The following B4GALT6 variants were observed in gnomAD, a reference collection of about 807,000 sequenced individuals.
The protein encoded by B4GALT6 is beta-1,4-galactosyltransferase 6, also known as UDP-Gal:beta-GlcNAc beta-1,4-galactosyltransferase 6.
Under a neutral mutation model 46.3 loss-of-function variants are expected in B4GALT6, and 14 were observed. The ratio of observed to expected loss-of-function variants is 0.30; its 90% CI spans 0.20 to 0.47. The LOEUF is 0.47. Ranked by LOEUF, B4GALT6 falls within the 20% of genes least tolerant of loss-of-function variation. The pLI, the probability that B4GALT6 is intolerant of heterozygous loss-of-function variation, is 0.99. For synonymous variants in B4GALT6, 168 were observed against 162.0 expected (o/e 1.04, Z -0.28); for missense variants, 386 against 480.1 (o/e 0.80, Z 1.83).
chr18:31,638,448 A>C (rs2073889043), intron 5 of B4GALT6, among the ~76,000 whole-genome samples, 196 bp downstream of exon 5: 1 of 152,112 alleles, frequency 6.6e-6, no homozygotes, highest in Admixed American at 6.5e-5. Context: ...AATGGCGTGA[A>C]CCTGGGGGGC....
intron 4 of B4GALT6, among the ~76,000 whole-genome samples, chr18:31,644,194 G>A (rs1324107787): frequency 1.3e-5 from 2 of 152,132 alleles, no homozygotes; most frequent in Admixed American, 6.5e-5. Context: ...ACTTGTTCAA[G>A]GCAATAAGAA....
chr18:31,666,277 TTTTA>T lies in B4GALT6; in HGVS notation c.207_210del (p.Asn69LysfsTer54). 6.2e-7 allele frequency: 1 copy of T among 1,602,812 alleles called. No individual in the cohort carries two copies. The highest frequency in any genetic ancestry group is 8.5e-7 in the Non-Finnish European group (1 of 1,173,214). On this transcript the variant is annotated frameshift_variant, in exon 2 of 9. Coordinates refer to ENST00000306851, the MANE Select transcript of B4GALT6 (RefSeq NM_004775.5). LOFTEE classifies it high-confidence loss of function. ...TTACCTGTACCGTTGAGCGTACTGT[TTTTA>T]TTTGTGTACAGCCTGATCATATGAC...
the B4GALT6 span, among the ~76,000 whole-genome samples, chr18:31,713,397 C>G: frequency 6.6e-6 from 1 of 152,196 alleles, no homozygotes; most frequent in Non-Finnish European, 1.5e-5. Context: ...TATTACTGAG[C>G]ACGGACCTTA....
chr18:31,676,609 C>A (rs1352183593), intron 1 of B4GALT6, among the ~76,000 whole-genome samples: 2 of 152,190 alleles, frequency 1.3e-5, no homozygotes, highest in African/African-American at 2.4e-5. Context: ...TTCACCATGA[C>A]AGCCATCTCT....
chr18:31,661,546 TCA>T (rs34896376), intron 2 of B4GALT6, among the ~76,000 whole-genome samples: 7 of 151,076 alleles, frequency 4.6e-5, no homozygotes, highest in African/African-American at 7.3e-5. Context: ...TCGCTCTCTC[TCA>T]CACACACACA....
the B4GALT6 span, among the ~76,000 whole-genome samples, chr18:31,692,488 G>A: frequency 1.3e-5 from 2 of 152,096 alleles, no homozygotes; most frequent in African/African-American, 4.8e-5. Flanking sequence ...TACACTTTTG[G>A]CTTACAATGT....
chr18:31,674,352 T>C (rs925250377), intron 1 of B4GALT6, among the ~76,000 whole-genome samples: 2 of 152,144 alleles, frequency 1.3e-5, no homozygotes, highest in Admixed American at 1.3e-4. Context: ...AAAAGAAATC[T>C]TCATTGTAAA....
At chr18:31,719,968 A>T in the B4GALT6 span, among the ~76,000 whole-genome samples, 1 of 152,246 alleles carries the variant, frequency 6.6e-6, no homozygotes, top group Non-Finnish European at 1.5e-5. Context: ...CAGAGGCTGC[A>T]TGACTCCTAA....
chr18:31,661,012 G>A (rs2074206961), intron 2 of B4GALT6, among the ~76,000 whole-genome samples: 1 of 152,168 alleles, frequency 6.6e-6, no homozygotes, highest in African/African-American at 2.4e-5. Flanking sequence ...CCTTAGCGTG[G>A]TCAACTCATG....
At chr18:31,645,284 C>T (rs2073978257) in intron 4 of B4GALT6, 71 bp downstream of exon 4, 2 of 1,581,278 alleles carry the variant, frequency 1.3e-6, no homozygotes, top group Non-Finnish European at 1.7e-6. Flanking sequence ...TCTCTGTATT[C>T]TGAATCAAGC....
chr18:31,695,291 TAA>T, the B4GALT6 span, among the ~76,000 whole-genome samples: 12 of 144,444 alleles, frequency 8.3e-5, no homozygotes, highest in African/African-American at 1.6e-4. Context: ...TCCCTGAAAT[TAA>T]AAAAAAAAAA....
At chr18:31,699,636 GAA>G in the B4GALT6 span, among the ~76,000 whole-genome samples, 991 of 104,100 alleles carry the variant, frequency 9.5e-3, 9 homozygotes, top group East Asian at 0.024. Context: ...TCTCTTCCTG[GAA>G]AAAAAAAAAA....
Position 31,684,333 on chromosome 18 carries a change from T to C in B4GALT6, c.94A>G (p.Ile32Val), listed in dbSNP as rs35210437. ...FSLSSSCLYF[I>V]YVAPGIANTY... ...TTACCGATGCCTGGGGCCACATAGA[T>C]GAAGTACAGACAGGACGAAGAGAGG... Residue 32 changes from isoleucine to valine, a missense_variant, in exon 1 of 9, where the codon ATC (isoleucine) becomes GTC (valine). By Grantham distance (29) the Ile-to-Val change is conservative. Around this residue, in one of 2 missense-constraint regions of B4GALT6, gnomAD observed 63 missense variants for 41.3 expected, o/e 1.53. Coordinates refer to ENST00000306851, the MANE Select transcript of B4GALT6 (RefSeq NM_004775.5). The C allele has an allele frequency of 2.2e-3, 3,573 of 1,612,676 alleles. 73 individuals carry two copies. In the African/African-American group the frequency reaches 0.042, roughly 19 times the overall value.
chr18:31,637,724 A>G (rs1046576501), intron 5 of B4GALT6, among the ~76,000 whole-genome samples: 3 of 152,248 alleles, frequency 2.0e-5, no homozygotes, highest in Non-Finnish European at 2.9e-5. Context: ...AAAAAAAGAA[A>G]AAAACTTTCC....
intron 3 of B4GALT6, among the ~76,000 whole-genome samples, chr18:31,655,201 G>A (rs980134261): frequency 2.0e-5 from 3 of 152,220 alleles, no homozygotes; most frequent in Non-Finnish European, 4.4e-5. Flanking sequence ...TCTCTTGGCA[G>A]AAGCCTCGTT....
intron 5 of B4GALT6, among the ~76,000 whole-genome samples, 161 bp downstream of exon 5, chr18:31,638,483 C>T (rs529891093): frequency 4.6e-5 from 7 of 152,152 alleles, no homozygotes; most frequent in South Asian, 2.1e-4. Context: ...GCCGAGATCG[C>T]GCCACTGCAT....
the B4GALT6 span, among the ~76,000 whole-genome samples, chr18:31,705,319 G>A: frequency 4.6e-5 from 7 of 152,300 alleles, no homozygotes; most frequent in South Asian, 1.2e-3. Context: ...AGTCCTGCTA[G>A]GGCATTTTTT....
chr18:31,657,924 A>T, intron 3 of B4GALT6, 52 bp downstream of exon 3: 1 of 1,433,594 alleles, frequency 7.0e-7, no homozygotes, highest in East Asian at 2.3e-5. Flanking sequence ...GGTTTTTATG[A>T]CTGTATTGTA....
At chr18:31,648,261 T>A (rs1055629474) in intron 3 of B4GALT6, among the ~76,000 whole-genome samples, 4 of 152,236 alleles carry the variant, frequency 2.6e-5, no homozygotes, top group African/African-American at 7.2e-5. Context: ...CTTTCCCAGT[T>A]AGAGATTTAA....
Sources: allele counts gnomAD v4.1 joint callset (sites outside exome capture counted in the v4.1 genomes callset), GRCh38; gene constraint gnomAD v4.1.1; regional missense constraint gnomAD v4.1.1; transcripts MANE v1.5; gene names NCBI Gene and HGNC (gene_info 2026-07-23, HGNC 2026-07-21).